CDH4: variants seen among roughly 807,000 people sequenced by gnomAD.
CDH4 encodes the protein cadherin 4, also known as cadherin-4.
A neutral mutation model predicts 86.0 loss-of-function variants in CDH4; 33 were observed. The ratio of observed to expected loss-of-function variants is 0.38; its 90% confidence interval spans 0.29 to 0.51. The LOEUF is 0.51. Ranked by LOEUF, CDH4 falls within the 20% of genes least tolerant of loss-of-function variation. The pLI is 0.86. For missense variants in CDH4, 1,114 were observed against 1,307.4 expected (o/e 0.85, Z 2.28); for synonymous variants, 555 against 549.4 (o/e 1.01, Z -0.14).
chr20:61,901,967 C>T (rs752111636), intron 8 of CDH4, among the ~76,000 whole-genome samples: 7 of 152,312 alleles, frequency 4.6e-5, no homozygotes, highest in South Asian at 2.1e-4. Context: ...ATTGACTCAC[C>T]GCCACTAGTC....
chr20:61,536,673 T>C (rs908606244), intron 2 of CDH4, among the ~76,000 whole-genome samples: 6 of 152,242 alleles, frequency 3.9e-5, no homozygotes, highest in Non-Finnish European at 5.9e-5. Flanking sequence ...CGCAGCATTA[T>C]TTTATGTGCA....
At chr20:61,773,267 T>C in intron 4 of CDH4, 85 bp downstream of exon 4, 2 of 1,339,978 alleles carry the variant, frequency 1.5e-6, no homozygotes, top group Non-Finnish European at 1.0e-6. Flanking sequence ...CAGGGGCGGG[T>C]TCCGCGTTTG....
chr20:61,930,049 G>A (rs1044725591), intron 13 of CDH4, among the ~76,000 whole-genome samples: 21 of 152,352 alleles, frequency 1.4e-4, no homozygotes, highest in African/African-American at 5.1e-4. Flanking sequence ...GTCTGGAGGT[G>A]CAGGCCGGCC....
At chr20:61,772,264 A>G (rs1299606016) in intron 3 of CDH4, among the ~76,000 whole-genome samples, 2 of 152,208 alleles carry the variant, frequency 1.3e-5, no homozygotes, top group African/African-American at 4.8e-5. Context: ...CCACACCCTC[A>G]GCCGTCAGCC....
In CDH4 at chr20:61,789,695, C is replaced by T. The variant is rs183342581; in HGVS notation, c.576+16513C>T. Among the ~76,000 whole-genome samples, 159 of 152,354 alleles carry T rather than the reference C, an allele frequency of 1.0e-3. 1 individual carries two copies. Among genetic ancestry groups the T allele is most frequent in the African/African-American group, 3.6e-3 (148 of 41,574 alleles). On this transcript the variant is annotated intron_variant, in intron 4 of 15. Coordinates refer to ENST00000614565, the MANE Select transcript of CDH4 (RefSeq NM_001794.5). ...GGGGCATGCCAGCGCCTCAGCCCAGCAAACCGACATGCAGGCCCAGAGTTA... is the reference window on the plus strand; with the variant it reads ...GGGGCATGCCAGCGCCTCAGCCCAGTAAACCGACATGCAGGCCCAGAGTTA...
At chr20:61,504,321 A>G (rs1293834565) in intron 2 of CDH4, among the ~76,000 whole-genome samples, 4 of 152,198 alleles carry the variant, frequency 2.6e-5, no homozygotes, top group African/African-American at 9.7e-5. Flanking sequence ...AAGGAAGCCT[A>G]TTAGATACTC....
intron 2 of CDH4, among the ~76,000 whole-genome samples, chr20:61,554,815 CGT>C (rs1275080873): frequency 6.6e-6 from 1 of 152,200 alleles, no homozygotes; most frequent in Non-Finnish European, 1.5e-5. Flanking sequence ...TATGCACATG[CGT>C]GTGAGAGTAT....
chr20:61,609,328 C>T (rs113837764), intron 2 of CDH4, among the ~76,000 whole-genome samples: 11 of 152,130 alleles, frequency 7.2e-5, no homozygotes, highest in African/African-American at 2.7e-4. Flanking sequence ...GTGTGTGCTC[C>T]ACCGGGCAGC....
chr20:61,496,691 A>G (rs1391345649), intron 2 of CDH4, among the ~76,000 whole-genome samples: 1 of 152,236 alleles, frequency 6.6e-6, no homozygotes, highest in African/African-American at 2.4e-5. Context: ...ATCAAGATGC[A>G]GAACATCATT....
rs531231925 is a variant in CDH4, at chr20:61,334,625, G to A, written c.169+79688G>A. Reference sequence around the variant, plus strand: ...ATAAGTGCACTAATCCCATTATTAGGGCAGAGGACCCAACCCCTCCCAAAG... The same window carrying A: ...ATAAGTGCACTAATCCCATTATTAGAGCAGAGGACCCAACCCCTCCCAAAG... On this transcript the variant is annotated intron_variant, in intron 2 of 15. Transcript: ENST00000614565. Among the ~76,000 whole-genome samples, 14 of 152,310 alleles carry A rather than the reference G, an allele frequency of 9.2e-5. No homozygotes were observed. The East Asian group carries it at 2.7e-3, about 29-fold the overall frequency.
chr20:61,701,614 G>C (rs898860244), intron 2 of CDH4, among the ~76,000 whole-genome samples: 3 of 152,222 alleles, frequency 2.0e-5, no homozygotes, highest in African/African-American at 7.2e-5. Flanking sequence ...CAGCACAGCG[G>C]GTCTACGGAT....
chr20:61,418,274 C>G (rs1165440418), intron 2 of CDH4, among the ~76,000 whole-genome samples: 1 of 150,374 alleles, frequency 6.7e-6, no homozygotes, highest in African/African-American at 2.5e-5. Flanking sequence ...GCAGTGGCAC[C>G]ATCTCGGCTC....
rs1201988301 is a variant in CDH4, at chr20:61,383,116, A to AATATATATGAATATATT, written c.169+128196_169+128212dup. ...ATATATATGAATATATTATATATAGAATATATATGAATATATTATATATAT... is the reference window on the plus strand; with the variant it reads ...ATATATATGAATATATTATATATAGAATATATATGAATATATTATATATATGAATATATTATATATAT... On this transcript the variant is annotated intron_variant, in intron 2 of 15. Transcript: ENST00000614565. Among the ~76,000 whole-genome samples the AATATATATGAATATATT allele has an allele frequency of 2.0e-4, 17 of 83,642 alleles. 3 individuals carry two copies. The highest frequency in any genetic ancestry group is 8.1e-4 in the African/African-American group (15 of 18,490). The allele number at this position is 83,642 out of a possible 152,430, so 54.9% of individuals were successfully genotyped here. A position where few individuals can be genotyped will look rare whatever the true frequency, so the allele number is the denominator to read the frequency against.
intron 3 of CDH4, among the ~76,000 whole-genome samples, chr20:61,744,342 C>T (rs2088382757): frequency 7.0e-6 from 1 of 142,064 alleles, no homozygotes; most frequent in Non-Finnish European, 1.5e-5. Flanking sequence ...TGGAGAGAGA[C>T]AGGAAAGGAG....
At chr20:61,436,223 C>T (rs949279350) in intron 2 of CDH4, among the ~76,000 whole-genome samples, 3 of 152,198 alleles carry the variant, frequency 2.0e-5, no homozygotes, top group African/African-American at 7.2e-5. Flanking sequence ...ATCACTCTTG[C>T]ACCTTCGCCC....
intron 2 of CDH4, among the ~76,000 whole-genome samples, chr20:61,609,624 C>T (rs1024513214): frequency 5.3e-5 from 8 of 152,180 alleles, no homozygotes; most frequent in African/African-American, 1.9e-4. Context: ...GGAGATGTCA[C>T]GTGCTCCTCA....
chr20:61,900,705 G>A (rs1370636644), intron 8 of CDH4, among the ~76,000 whole-genome samples: 4 of 152,196 alleles, frequency 2.6e-5, no homozygotes, highest in Admixed American at 1.3e-4. Context: ...CCTTGGACCC[G>A]CCTGTCCAAG....
chr20:61,439,731 C>T (rs905990267), intron 2 of CDH4, among the ~76,000 whole-genome samples: 1 of 152,226 alleles, frequency 6.6e-6, no homozygotes, highest in African/African-American at 2.4e-5. Flanking sequence ...GGCATAAGCC[C>T]CTCCCTCTGA....
At chr20:61,312,187 G>A (rs1023793421) in intron 2 of CDH4, among the ~76,000 whole-genome samples, 1 of 148,310 alleles carries the variant, frequency 6.7e-6, no homozygotes, top group Admixed American at 6.7e-5. Flanking sequence ...TTTGTGATGT[G>A]TGCATTTTGT....
Sources: allele counts gnomAD v4.1 joint callset (sites outside exome capture counted in the v4.1 genomes callset), GRCh38; gene constraint gnomAD v4.1.1; transcripts MANE v1.5; gene names NCBI Gene and HGNC (gene_info 2026-07-23, HGNC 2026-07-21).